Variants in PRKCE observed in about 807,000 individuals in gnomAD.
PRKCE encodes protein kinase C epsilon type.
Under a neutral mutation model 85.4 loss-of-function variants are expected in PRKCE, and 16 were observed. That is an observed-to-expected ratio of 0.19 (90% CI 0.13 to 0.28). PRKCE has a LOEUF of 0.28. Ranked by LOEUF, PRKCE falls within the 10% of genes least tolerant of loss-of-function variation. PRKCE has a pLI of 1.00. For missense variants in PRKCE, 573 were observed against 975.2 expected (o/e 0.59, Z 5.49); for synonymous variants, 388 against 371.5 (o/e 1.04, Z -0.51).
intron 7 of PRKCE, among the ~76,000 whole-genome samples, chr2:46,002,284 G>A (rs1704752884): frequency 6.6e-6 from 1 of 152,228 alleles, no homozygotes; most frequent in African/African-American, 2.4e-5. Flanking sequence ...TTAGAACCAT[G>A]TTAACAGGGC....
chr2:46,110,324 CT>C (rs1672132382), intron 11 of PRKCE, among the ~76,000 whole-genome samples: 1 of 152,046 alleles, frequency 6.6e-6, no homozygotes, highest in Non-Finnish European at 1.5e-5. Context: ...GGGTCTTATA[CT>C]TTCTTTTTTG....
intron 1 of PRKCE, among the ~76,000 whole-genome samples, chr2:45,706,784 T>G (rs796888397): frequency 9.2e-5 from 14 of 152,334 alleles, no homozygotes; most frequent in African/African-American, 3.1e-4. Flanking sequence ...ATGTGACTCA[T>G]GGTAAGAGAT....
At chr2:45,827,337 A>G (rs1177139893) in intron 1 of PRKCE, among the ~76,000 whole-genome samples, 1 of 152,276 alleles carries the variant, frequency 6.6e-6, no homozygotes, top group Non-Finnish European at 1.5e-5. Context: ...ATAGAAGATC[A>G]TAAATGAAGG....
In PRKCE at chr2:46,001,252, CATAT is replaced by C. The variant is rs35088567; in HGVS notation, c.824-135_824-132del. On this transcript the variant is annotated intron_variant, in intron 6 of 14. Transcript: ENST00000306156. The surrounding 1 kb of genome is among the most constrained non-coding windows in gnomAD (Gnocchi z 4.4). ...GATTTTGGTTTTGTATGATGGAAGACATATATATATATATATATATTTCTGTATT... is the reference window on the plus strand; with the variant it reads ...GATTTTGGTTTTGTATGATGGAAGACATATATATATATATATTTCTGTATT... 516 of 364,704 alleles carry C rather than the reference CATAT, an allele frequency of 1.4e-3. No homozygotes were observed. The highest frequency in any genetic ancestry group is 3.2e-3 in the East Asian group (43 of 13,434). The allele number at this position is 364,704 out of a possible 1,614,324, so 22.6% of individuals were successfully genotyped here.
chr2:46,098,508 G>A (rs770486101), intron 11 of PRKCE, among the ~76,000 whole-genome samples: 85 of 152,152 alleles, frequency 5.6e-4, no homozygotes, highest in Non-Finnish European at 1.1e-3. Context: ...CTCAAAAATG[G>A]GGATGAATGT....
At chr2:45,864,397 C>A (rs1693415166) in intron 2 of PRKCE, among the ~76,000 whole-genome samples, 1 of 152,164 alleles carries the variant, frequency 6.6e-6, no homozygotes, top group African/African-American at 2.4e-5. Flanking sequence ...CCTCATGTAA[C>A]CTTTCTTCTT....
intron 14 of PRKCE, among the ~76,000 whole-genome samples, chr2:46,173,479 T>C (rs982022742): frequency 6.6e-6 from 1 of 152,254 alleles, no homozygotes; most frequent in African/African-American, 2.4e-5. Context: ...AATTTAGACA[T>C]AGAAGCAGCA....
intron 1 of PRKCE, among the ~76,000 whole-genome samples, chr2:45,794,275 A>G (rs904720652): frequency 3.3e-5 from 5 of 152,154 alleles, no homozygotes; most frequent in African/African-American, 9.7e-5. Context: ...ACACATACAC[A>G]TGGCCCGAGA....
At chr2:45,827,708 C>T (rs1043409802) in intron 1 of PRKCE, among the ~76,000 whole-genome samples, 1 of 152,166 alleles carries the variant, frequency 6.6e-6, no homozygotes, top group East Asian at 1.9e-4. Flanking sequence ...TCCCAGAAAA[C>T]AGAAAATCAT....
rs1467952638 is a variant in PRKCE at position 46,147,900 on chromosome 2, AG to A, written c.1731+2671del. Among the ~76,000 whole-genome samples the A allele has an allele frequency of 3.3e-5, 5 of 152,320 alleles. No individual in the cohort carries two copies. The East Asian group carries it at 7.7e-4, about 23-fold the overall frequency. On this transcript the variant is annotated intron_variant, in intron 12 of 14. Coordinates refer to ENST00000306156, the MANE Select transcript of PRKCE (RefSeq NM_005400.3). ...AAGTCACAAAATGTTTTTGAGTCTCAGGTTTCTCATCTTTCACATGGGAGCC... is the reference window on the plus strand; with the variant it reads ...AAGTCACAAAATGTTTTTGAGTCTCAGTTTCTCATCTTTCACATGGGAGCC...
chr2:45,879,148 C>T (rs546995047), intron 2 of PRKCE, among the ~76,000 whole-genome samples: 1 of 152,312 alleles, frequency 6.6e-6, no homozygotes, highest in East Asian at 1.9e-4. Context: ...CCCCAAGCTC[C>T]ACTGGCAGAG....
rs1309836468 is a variant in PRKCE at position 46,068,205 on chromosome 2, C to A, written c.1438-18003C>A. On this transcript the variant is annotated intron_variant, in intron 10 of 14. Coordinates refer to ENST00000306156, the MANE Select transcript of PRKCE (RefSeq NM_005400.3). The surrounding 1 kb of genome is among the most constrained non-coding windows in gnomAD (Gnocchi z 4.3). ...CTGTATCCAGGATGAAAAAAATAAT[C>A]TATTTTGGTGAGCCACTTGAGTCAT... Among the ~76,000 whole-genome samples, 2 of 152,094 alleles carry A rather than the reference C, an allele frequency of 1.3e-5. No homozygotes were observed. Among genetic ancestry groups the A allele is most frequent in the Non-Finnish European group, 2.9e-5 (2 of 68,036 alleles).
intron 1 of PRKCE, among the ~76,000 whole-genome samples, chr2:45,757,143 C>T (rs189962931): frequency 1.3e-5 from 2 of 151,724 alleles, no homozygotes; most frequent in East Asian, 1.9e-4. Context: ...ACCTGTATCA[C>T]GCTAATTTAG....
intron 5 of PRKCE, among the ~76,000 whole-genome samples, chr2:45,983,593 T>C (rs1300463503): frequency 1.3e-5 from 2 of 152,146 alleles, no homozygotes; most frequent in African/African-American, 4.8e-5. Flanking sequence ...GACCCTGCCA[T>C]CCTGTGACAC....
intron 1 of PRKCE, among the ~76,000 whole-genome samples, chr2:45,744,474 TTTC>T (rs1682916852): frequency 1.3e-4 from 6 of 46,678 alleles, no homozygotes; most frequent in South Asian, 1.7e-3. Flanking sequence ...TCTTTCTTTC[TTTC>T]TTTCTTTCTT....
At chr2:46,135,871 T>C (rs894898695) in intron 11 of PRKCE, among the ~76,000 whole-genome samples, 1 of 149,272 alleles carries the variant, frequency 6.7e-6, no homozygotes, top group African/African-American at 2.5e-5. Context: ...GGTGCCTATG[T>C]AGAGAATGTC....
chr2:45,845,142 G>A (rs1167394048), intron 2 of PRKCE, among the ~76,000 whole-genome samples: 8 of 149,498 alleles, frequency 5.4e-5, no homozygotes, highest in African/African-American at 1.7e-4. Context: ...TCAATAATCC[G>A]TTCTGAGAAG....
intron 1 of PRKCE, among the ~76,000 whole-genome samples, chr2:45,790,314 A>T (rs1486937729): frequency 1.3e-5 from 2 of 152,244 alleles, no homozygotes; most frequent in Admixed American, 6.5e-5. Flanking sequence ...AGGGGAAAAG[A>T]TAATATGAAA....
intron 1 of PRKCE, among the ~76,000 whole-genome samples, chr2:45,661,164 AAATGT>A (rs1675619859): frequency 6.6e-6 from 1 of 152,200 alleles, no homozygotes; most frequent in African/African-American, 2.4e-5. Flanking sequence ...ATAAGACTAA[AAATGT>A]AATCAAGCTT....
Sources: gnomAD v4.1 joint callset for allele counts (sites outside exome capture counted in the v4.1 genomes callset) on GRCh38, gnomAD v4.1.1 for gene constraint, Gnocchi (gnomAD v3.1) non-coding constraint, MANE v1.5 for transcripts, NCBI Gene and HGNC (gene_info 2026-07-23, HGNC 2026-07-21) for gene names.